ZFAT: variants seen among roughly 807,000 people sequenced by gnomAD.
ZFAT encodes zinc finger protein ZFAT.
ZFAT carries 64 observed loss-of-function variants against 117.7 expected under a neutral mutation model. That is an observed-to-expected ratio of 0.54 (90% CI 0.44 to 0.67). The LOEUF (loss-of-function observed/expected upper bound fraction) is 0.67. Among genes scored for constraint, ZFAT ranks in the 30% least tolerant of loss-of-function variants. The pLI, the probability that ZFAT is intolerant of heterozygous loss-of-function variation, is 0.00. For missense variants in ZFAT, 1,433 were observed against 1,584.5 expected (o/e 0.90, Z 1.62); for synonymous variants, 679 against 615.0 (o/e 1.10, Z -1.54).
rs368007583 is a variant in ZFAT at position 134,601,703 on chromosome 8, C to G, written c.2016G>C (p.Arg672Ser). ...CCTCAGCTGGGTTTGACCTGAGACA[C>G]CTGCTGGGATCTGGGTCACCAGCTG... Reference protein sequence around the residue: ...VLSAGDPDPSRCLRSNPAEAS... With the variant: ...VLSAGDPDPSSCLRSNPAEAS... The change falls in exon 6 of 16, where the codon AGG (arginine) becomes AGC (serine). Residue 672 changes from arginine (R) to serine (S), a missense_variant. By Grantham distance (110) the Arg-to-Ser change is moderately radical (BLOSUM62 -1). This residue lies in a region of ZFAT where 372 missense variants were observed against 355.6 expected (regional missense o/e 1.05). Coordinates refer to ENST00000377838, the MANE Select transcript of ZFAT (RefSeq NM_020863.4). 6.2e-7 allele frequency: 1 copy of G among 1,613,352 alleles called. No homozygotes were observed. The highest frequency in any genetic ancestry group is 1.3e-5 in the African/African-American group (1 of 75,034).
chr8:134,709,378 G>A (rs1407827070), intron 1 of ZFAT, among the ~76,000 whole-genome samples: 1 of 152,242 alleles, frequency 6.6e-6, no homozygotes, highest in African/African-American at 2.4e-5. Context: ...GCCGGTGAAG[G>A]GACTGGGGTC....
the ZFAT span, among the ~76,000 whole-genome samples, chr8:134,761,133 G>A: frequency 6.6e-5 from 10 of 152,144 alleles, no homozygotes; most frequent in Non-Finnish European, 1.0e-4. Flanking sequence ...CCTGCTGATT[G>A]GTGTTTCTCA....
chr8:134,595,726 A>G (rs1331314741), intron 7 of ZFAT, among the ~76,000 whole-genome samples: 1 of 152,242 alleles, frequency 6.6e-6, no homozygotes, highest in East Asian at 1.9e-4. Flanking sequence ...TTATTTAGTT[A>G]CTAATTGGAA....
At chr8:134,804,931 G>A in the ZFAT span, 3 of 533,806 alleles carry the variant, frequency 5.6e-6, no homozygotes, top group Non-Finnish European at 7.7e-6. Flanking sequence ...TCCAGTCGGG[G>A]ATGTTTACAA....
chr8:134,762,011 T>TGTGTGTGTGTGTGTGTGTGCGC, the ZFAT span, among the ~76,000 whole-genome samples: 3 of 150,136 alleles, frequency 2.0e-5, no homozygotes, highest in African/African-American at 7.3e-5. Flanking sequence ...TGTGTGTGTG[T>TGTGTGTGTGTGTGTGTGTGCGC]GCAAATGTGT....
intron 2 of ZFAT, among the ~76,000 whole-genome samples, chr8:134,643,470 C>A (rs1328607998): frequency 6.6e-6 from 1 of 152,204 alleles, no homozygotes; most frequent in East Asian, 1.9e-4. Flanking sequence ...GGTACAATGT[C>A]TAACAGGCAG....
intron 1 of ZFAT, among the ~76,000 whole-genome samples, chr8:134,700,651 G>C (rs1455178273): frequency 6.6e-6 from 1 of 152,178 alleles, no homozygotes; most frequent in African/African-American, 2.4e-5. Flanking sequence ...GCCAGTCCGG[G>C]GGGAGGCAGA....
chr8:134,531,924 T>C (rs933114112), intron 12 of ZFAT, among the ~76,000 whole-genome samples: 3 of 152,224 alleles, frequency 2.0e-5, no homozygotes, highest in African/African-American at 7.2e-5. Context: ...CAGTCTACAA[T>C]TCCACATCTC....
chr8:134,649,203 C>CACACACACACA lies in ZFAT; in HGVS notation c.196+8357_196+8358insTGTGTGTGTGT, dbSNP rs35498428. On this transcript the variant is annotated intron_variant, in intron 2 of 15. Coordinates refer to ENST00000377838, the MANE Select transcript of ZFAT (RefSeq NM_020863.4). ...CACACACACACACACACACACACAC[C>CACACACACACA]CCATCATACTTAATGGTAAAAGACT... Among the ~76,000 whole-genome samples the CACACACACACA allele has an allele frequency of 5.9e-3, 851 of 143,858 alleles. 9 individuals carry two copies. Among genetic ancestry groups the CACACACACACA allele is most frequent in the African/African-American group, 0.019 (703 of 37,834 alleles). The allele number at this position is 143,858 out of a possible 152,430, so 94.4% of individuals were successfully genotyped here. A position where few individuals can be genotyped will look rare whatever the true frequency, so the allele number is the denominator to read the frequency against.
chr8:134,545,253 C>T (rs957704765), intron 11 of ZFAT, among the ~76,000 whole-genome samples: 2 of 152,158 alleles, frequency 1.3e-5, no homozygotes, highest in African/African-American at 2.4e-5. Flanking sequence ...TGGCTCACAC[C>T]TGTAATCCCA....
intron 12 of ZFAT, among the ~76,000 whole-genome samples, chr8:134,527,590 AGGG>A (rs933783169): frequency 6.6e-6 from 1 of 152,236 alleles, no homozygotes; most frequent in African/African-American, 2.4e-5. Flanking sequence ...GAAGTGCTTA[AGGG>A]TAGAAATTAA....
chr8:134,577,000 C>T (rs1162771584), intron 10 of ZFAT, among the ~76,000 whole-genome samples: 1 of 152,146 alleles, frequency 6.6e-6, no homozygotes, highest in East Asian at 1.9e-4. Flanking sequence ...GATTACATAA[C>T]ATAAAGGCAC....
In ZFAT at chr8:134,602,259, G is replaced by A; in HGVS notation, c.1460C>T (p.Ala487Val). Residue 487 changes from alanine to valine, a missense_variant, in exon 6 of 16, where the codon GCC (alanine) becomes GTC (valine). Ala to Val is a moderately conservative substitution (Grantham distance 64). Around this residue, in one of 5 missense-constraint regions of ZFAT, gnomAD observed 372 missense variants for 355.6 expected, o/e 1.05. Coordinates refer to ENST00000377838, the MANE Select transcript of ZFAT (RefSeq NM_020863.4). ...GTTGATGGAACTGGTGAAGACCAAG[G>A]CCTCCTGGGCAGCCCCGTGCACCTC... ...IKEVHGAAQEALVFTSSINQS... is the reference protein window; with the variant it reads ...IKEVHGAAQEVLVFTSSINQS... The A allele has an allele frequency of 3.7e-6, 6 of 1,613,806 alleles. No individual in the cohort carries two copies. Among genetic ancestry groups the A allele is most frequent in the Non-Finnish European group, 5.1e-6 (6 of 1,180,054 alleles).
chr8:134,608,235 A>C (rs1828039512), intron 5 of ZFAT, among the ~76,000 whole-genome samples: 1 of 152,226 alleles, frequency 6.6e-6, no homozygotes, highest in Non-Finnish European at 1.5e-5. Flanking sequence ...ATTTCAAAAA[A>C]CTTGTAGAAG....
At chr8:134,691,813 T>C (rs934735562) in intron 1 of ZFAT, among the ~76,000 whole-genome samples, 4 of 152,236 alleles carry the variant, frequency 2.6e-5, no homozygotes, top group African/African-American at 4.8e-5. Context: ...ATTCAAAATA[T>C]AGTAAAGTGC....
intron 3 of ZFAT, among the ~76,000 whole-genome samples, chr8:134,631,297 C>T (rs1343948733): frequency 1.6e-4 from 24 of 152,166 alleles, no homozygotes; most frequent in Admixed American, 1.6e-3. Context: ...GTGCCACTTC[C>T]ATCGCTTATA....
At chr8:134,817,934 T>C in the ZFAT span, among the ~76,000 whole-genome samples, 1 of 152,092 alleles carries the variant, frequency 6.6e-6, no homozygotes, top group Non-Finnish European at 1.5e-5. Flanking sequence ...AAAGGATAAA[T>C]TTTCAACAAA....
chr8:134,728,012 C>A, the ZFAT span, among the ~76,000 whole-genome samples: 2 of 152,180 alleles, frequency 1.3e-5, no homozygotes, highest in African/African-American at 4.8e-5. Context: ...TGGTACTGAG[C>A]AGACATGCTG....
intron 3 of ZFAT, among the ~76,000 whole-genome samples, chr8:134,634,660 TAA>T (rs1350898732): frequency 1.3e-5 from 2 of 152,150 alleles, no homozygotes; most frequent in Non-Finnish European, 2.9e-5. Flanking sequence ...GATAAAAACC[TAA>T]GTTTTCATCA....
Sources: allele counts gnomAD v4.1 joint callset (sites outside exome capture counted in the v4.1 genomes callset), GRCh38; gene constraint gnomAD v4.1.1; regional missense constraint gnomAD v4.1.1; transcripts MANE v1.5; gene names NCBI Gene and HGNC (gene_info 2026-07-23, HGNC 2026-07-21).